NRG3: variants seen among roughly 807,000 people sequenced by gnomAD.
The protein encoded by NRG3 is pro-neuregulin-3, membrane-bound isoform.
NRG3 carries 31 observed loss-of-function variants against 66.9 expected under a neutral mutation model. The ratio of observed to expected loss-of-function variants is 0.46; its 90% CI spans 0.35 to 0.63. The LOEUF is 0.63. Among genes scored for constraint, NRG3 ranks in the 20% least tolerant of loss-of-function variants. The pLI, the probability that NRG3 is intolerant of heterozygous loss-of-function variation, is 0.00. For synonymous variants in NRG3, 393 were observed against 359.4 expected, an observed-to-expected ratio of 1.09 and a Z score of -1.06; for missense variants, 910 against 878.9, an observed-to-expected ratio of 1.04 and a Z score of -0.45.
At chr10:82,236,768 T>G (rs937793725) in intron 1 of NRG3, among the ~76,000 whole-genome samples, 3 of 135,346 alleles carry the variant, frequency 2.2e-5, no homozygotes, top group Non-Finnish European at 3.0e-5. Flanking sequence ...CAGGCTGGAG[T>G]GCAGTGGTGC....
chr10:82,828,231 A>T lies in NRG3; in HGVS notation c.1028-37180A>T, dbSNP rs544711755. Among the ~76,000 whole-genome samples, 68 of 152,316 alleles carry T rather than the reference A, an allele frequency of 4.5e-4. 1 individual carries two copies. In the South Asian group the frequency reaches 0.012, roughly 28 times the overall value. On this transcript the variant is annotated intron_variant, in intron 3 of 8. Coordinates refer to ENST00000372141, the MANE Select transcript of NRG3 (RefSeq NM_001010848.4). ...ACAAAATATATTTGATTATAAAAAA[A>T]ACTTCTGCTAGGAATGTACAAAGTT...
At chr10:82,831,704 C>T (rs1591656569) in intron 3 of NRG3, among the ~76,000 whole-genome samples, 1 of 152,102 alleles carries the variant, frequency 6.6e-6, no homozygotes, top group East Asian at 1.9e-4. Flanking sequence ...ATCCCAGTTA[C>T]TCGGGAGGCT....
chr10:81,964,575 T>G (rs1236100892), intron 1 of NRG3, among the ~76,000 whole-genome samples: 1 of 152,158 alleles, frequency 6.6e-6, no homozygotes, highest in Non-Finnish European at 1.5e-5. Context: ...TAAAAATTTC[T>G]GACATTGTTC....
At chr10:82,929,161 T>A (rs1847309936) in intron 4 of NRG3, among the ~76,000 whole-genome samples, 1 of 152,308 alleles carries the variant, frequency 6.6e-6, no homozygotes, top group South Asian at 2.1e-4. Flanking sequence ...GTACAGACAT[T>A]TGCTGAATCC....
At chr10:82,700,872 A>G (rs1327134951) in intron 2 of NRG3, among the ~76,000 whole-genome samples, 1 of 152,152 alleles carries the variant, frequency 6.6e-6, no homozygotes, top group Non-Finnish European at 1.5e-5. Flanking sequence ...TCTTGGACAC[A>G]AGGGAACACG....
At chr10:82,867,819 G>A (rs1259155745) in intron 4 of NRG3, among the ~76,000 whole-genome samples, 1 of 151,844 alleles carries the variant, frequency 6.6e-6, no homozygotes. Context: ...GAAAATCATG[G>A]GCATATTTTT....
chr10:82,136,607 GT>G (rs1278764970), intron 1 of NRG3, among the ~76,000 whole-genome samples: 1 of 152,096 alleles, frequency 6.6e-6, no homozygotes, highest in Non-Finnish European at 1.5e-5. Flanking sequence ...GTCCACCATA[GT>G]TATCAATGTT....
At chr10:82,353,381 C>T (rs2083556309) in intron 1 of NRG3, among the ~76,000 whole-genome samples, 2 of 152,142 alleles carry the variant, frequency 1.3e-5, no homozygotes, top group Non-Finnish European at 2.9e-5. Flanking sequence ...AATAAATTAA[C>T]TTTCATTGCA....
intron 4 of NRG3, among the ~76,000 whole-genome samples, chr10:82,883,740 G>A (rs557274724): frequency 4.0e-5 from 6 of 151,840 alleles, no homozygotes; most frequent in East Asian, 1.9e-4. Context: ...GAAAAGCTTC[G>A]GTTTGTCATT....
At chr10:82,243,444 T>C (rs973246694) in intron 1 of NRG3, among the ~76,000 whole-genome samples, 1 of 152,030 alleles carries the variant, frequency 6.6e-6, no homozygotes, top group African/African-American at 2.4e-5. Flanking sequence ...TTTAAAATTT[T>C]AAAAAGACAA....
chr10:82,715,174 C>A lies in NRG3; in HGVS notation c.954-23403C>A, dbSNP rs374843719. On this transcript the variant is annotated intron_variant, in intron 2 of 8. Coordinates refer to ENST00000372141, the MANE Select transcript of NRG3 (RefSeq NM_001010848.4). ...ATTTGGGAGACTGCAGTAGGTGGAT[C>A]GCTTGAGGCCAGGAGTTCGAGACCA... is the stretch of plus-strand genomic sequence containing the variant. Among the ~76,000 whole-genome samples the A allele has an allele frequency of 1.7e-4, 26 of 152,142 alleles. No homozygotes were observed. The East Asian group carries it at 2.9e-3, about 17-fold the overall frequency.
At chr10:82,498,046 ATGTC>A (rs1042063433) in intron 2 of NRG3, among the ~76,000 whole-genome samples, 3 of 150,962 alleles carry the variant, frequency 2.0e-5, no homozygotes, top group Non-Finnish European at 4.4e-5. Flanking sequence ...TTGGAAAAAA[ATGTC>A]TGTTCAGGTT....
chr10:81,927,655 C>T (rs1203671890), intron 1 of NRG3, among the ~76,000 whole-genome samples: 1 of 151,950 alleles, frequency 6.6e-6, no homozygotes, highest in Non-Finnish European at 1.5e-5. Context: ...CCATAAACTC[C>T]CTCTCACCCT....
intron 4 of NRG3, among the ~76,000 whole-genome samples, chr10:82,896,515 A>G (rs2131841291): frequency 6.6e-6 from 1 of 152,346 alleles, no homozygotes; most frequent in Non-Finnish European, 1.5e-5. Context: ...ATACCTGTTT[A>G]TTGTTGTAGG....
At chr10:82,642,718 T>C (rs1192299304) in intron 2 of NRG3, among the ~76,000 whole-genome samples, 1 of 151,844 alleles carries the variant, frequency 6.6e-6, no homozygotes, top group Non-Finnish European at 1.5e-5. Flanking sequence ...TATCAAACAA[T>C]TGTGAAATGT....
chr10:82,967,177 T>C (rs1851293225), intron 6 of NRG3, among the ~76,000 whole-genome samples: 1 of 149,026 alleles, frequency 6.7e-6, no homozygotes, highest in Non-Finnish European at 1.5e-5. Flanking sequence ...AATAGATATA[T>C]TAAATATGTC....
intron 1 of NRG3, among the ~76,000 whole-genome samples, chr10:82,077,006 A>C (rs1257746429): frequency 6.6e-6 from 1 of 152,048 alleles, no homozygotes; most frequent in East Asian, 1.9e-4. Flanking sequence ...TTGTTTTTTG[A>C]TCTATGCTTC....
At chr10:82,471,245 T>A (rs10884735) in intron 2 of NRG3, among the ~76,000 whole-genome samples, 1 of 151,726 alleles carries the variant, frequency 6.6e-6, no homozygotes, top group South Asian at 2.1e-4. Flanking sequence ...TTGAAACCCA[T>A]TTGACCACCC....
intron 1 of NRG3, among the ~76,000 whole-genome samples, chr10:81,991,682 T>C (rs893287169): frequency 3.3e-5 from 5 of 152,044 alleles, no homozygotes; most frequent in African/African-American, 1.2e-4. Context: ...CAAAACAAAA[T>C]GAAAACCACA....
Sources: gnomAD v4.1 joint callset for allele counts (sites outside exome capture counted in the v4.1 genomes callset) on GRCh38, gnomAD v4.1.1 for gene constraint, MANE v1.5 for transcripts, NCBI Gene and HGNC (gene_info 2026-07-23, HGNC 2026-07-21) for gene names.